LMX1B: variants seen among roughly 807,000 people sequenced by gnomAD.
LMX1B encodes LIM homeobox transcription factor 1-beta.
In LMX1B, 12 loss-of-function variants were observed where a neutral mutation model predicts 51.4. That is an observed-to-expected ratio of 0.23 (90% CI 0.15 to 0.38). The LOEUF is 0.38. LMX1B is among the 10% of genes least tolerant of loss of function. LMX1B has a pLI of 1.00. For missense variants in LMX1B, 445 were observed against 571.1 expected (o/e 0.78, Z 2.25); for synonymous variants, 237 against 235.4 (o/e 1.01, Z -0.06).
At chr9:126,646,258 G>T (rs1245346886) in intron 2 of LMX1B, among the ~76,000 whole-genome samples, 2 of 152,084 alleles carry the variant, frequency 1.3e-5, no homozygotes, top group Admixed American at 6.5e-5. Flanking sequence ...AGGAAGGTGT[G>T]CCTGATCCCT....
rs908357221 is a variant in LMX1B at position 126,695,167 on chromosome 9, C to T, written c.887-672C>T. On this transcript the variant is annotated intron_variant, in intron 6 of 7. Coordinates refer to ENST00000373474, the MANE Select transcript of LMX1B (RefSeq NM_001174147.2). This position sits in a 1 kb window ranked among gnomAD's most constrained non-coding sequence, Gnocchi z 5.2. The stretch of plus-strand genomic sequence containing the variant: ...ACCCTTCCTCTGGCTTCCTCACCCA[C>T]TGGCCCCAGCCTCGGTCTCCTCCTC... Among the ~76,000 whole-genome samples, 19 of 152,216 alleles carry T rather than the reference C, an allele frequency of 1.2e-4. No homozygotes were observed. Among genetic ancestry groups the T allele is most frequent in the African/African-American group, 4.6e-4 (19 of 41,452 alleles).
chr9:126,683,862 C>T (rs904324569), intron 2 of LMX1B, among the ~76,000 whole-genome samples: 1 of 152,212 alleles, frequency 6.6e-6, no homozygotes, highest in African/African-American at 2.4e-5. Flanking sequence ...TAAATCCATT[C>T]CTTCTGCTCC....
chr9:126,696,550 T>TACAG lies in LMX1B; in HGVS notation c.*104_*107dup. The stretch of plus-strand genomic sequence containing the variant: ...CCCCCGCCCTGCTCTCCGCACAGAC[T>TACAG]ACAGACAGCCATACGGTGCCCTCCC... On this transcript the variant is annotated 3_prime_UTR_variant, in exon 8 of 8. Transcript: ENST00000373474. 1 of 1,427,542 alleles carries TACAG rather than the reference T, an allele frequency of 7.0e-7. No individual in the cohort carries two copies. The highest frequency in any genetic ancestry group is 1.2e-5 in the South Asian group (1 of 85,964). 88.4% of individuals were successfully genotyped at this position (1,427,542 alleles called of 1,614,324 possible).
intron 2 of LMX1B, among the ~76,000 whole-genome samples, chr9:126,651,025 T>A (rs947031320): frequency 6.6e-6 from 1 of 152,140 alleles, no homozygotes; most frequent in African/African-American, 2.4e-5. Flanking sequence ...AAGGCCCAGA[T>A]GAGGCGGTGA....
chr9:126,663,418 T>C (rs1437685957), intron 2 of LMX1B, among the ~76,000 whole-genome samples: 2 of 138,778 alleles, frequency 1.4e-5, no homozygotes, highest in Admixed American at 7.1e-5. Context: ...GGCAAGACTC[T>C]TTCTCAAAAA....
chr9:126,695,763 C>A lies in LMX1B; in HGVS notation c.887-76C>A. The A allele has an allele frequency of 6.4e-7, 1 of 1,557,774 alleles. No homozygotes were observed. Among genetic ancestry groups the A allele is most frequent in the South Asian group, 1.2e-5 (1 of 86,354 alleles). Reference sequence around the variant, plus strand: ...GGTGCCTGGGGAGTCCCAAGGAGATCAGAAGGGGAGGCTGCTGGGGTGTAG... The same window carrying A: ...GGTGCCTGGGGAGTCCCAAGGAGATAAGAAGGGGAGGCTGCTGGGGTGTAG... On this transcript the variant is annotated intron_variant, in intron 6 of 7. Transcript: ENST00000373474. This position sits in a 1 kb window ranked among gnomAD's most constrained non-coding sequence, Gnocchi z 5.2.
intron 2 of LMX1B, among the ~76,000 whole-genome samples, chr9:126,619,917 C>T (rs562504095): frequency 1.3e-5 from 2 of 152,286 alleles, no homozygotes; most frequent in African/African-American, 4.8e-5. Flanking sequence ...TAGAGACCCA[C>T]GGCCGTGGCA....
intron 2 of LMX1B, among the ~76,000 whole-genome samples, chr9:126,689,368 C>T (rs2030028042): frequency 6.6e-6 from 1 of 152,156 alleles, no homozygotes. Context: ...GTTCCAGAAC[C>T]GATTAGTAGA....
chr9:126,668,160 T>C (rs1407292726), intron 2 of LMX1B, among the ~76,000 whole-genome samples: 3 of 152,022 alleles, frequency 2.0e-5, no homozygotes, highest in Non-Finnish European at 4.4e-5. Context: ...TGTTTGGGGC[T>C]CAGGGACAGA....
At chr9:126,687,431 T>G (rs201321410) in intron 2 of LMX1B, among the ~76,000 whole-genome samples, 1 of 152,130 alleles carries the variant, frequency 6.6e-6, no homozygotes, top group Admixed American at 6.5e-5. Context: ...GGTTTCACCA[T>G]GTTGGCCAGG....
chr9:126,644,106 A>G (rs1022675185), intron 2 of LMX1B, among the ~76,000 whole-genome samples: 3 of 152,156 alleles, frequency 2.0e-5, no homozygotes, highest in Non-Finnish European at 2.9e-5. Context: ...GGTGGGAGTC[A>G]TCTCACCCTG....
intron 2 of LMX1B, among the ~76,000 whole-genome samples, chr9:126,674,206 G>C (rs1309318869): frequency 6.6e-6 from 1 of 152,162 alleles, no homozygotes; most frequent in Admixed American, 6.5e-5. Flanking sequence ...GGAGAAGGGG[G>C]TCTTCCCCAG....
At chr9:126,687,250 A>T (rs1474510264) in intron 2 of LMX1B, among the ~76,000 whole-genome samples, 1 of 150,092 alleles carries the variant, frequency 6.7e-6, no homozygotes, top group Non-Finnish European at 1.5e-5. Flanking sequence ...ATTTTTTGAG[A>T]CGGAGTCTCT....
intron 2 of LMX1B, among the ~76,000 whole-genome samples, chr9:126,666,883 C>T (rs1371706080): frequency 1.3e-5 from 2 of 152,138 alleles, no homozygotes; most frequent in Non-Finnish European, 2.9e-5. Flanking sequence ...GCGAAGGGTT[C>T]GAGGTTTCTT....
intron 2 of LMX1B, among the ~76,000 whole-genome samples, chr9:126,685,284 G>C (rs374347440): frequency 1.3e-5 from 2 of 152,166 alleles, no homozygotes; most frequent in South Asian, 4.1e-4. Context: ...GACTTGCTAT[G>C]TTCAGGGAGT....
chr9:126,665,757 A>AC (rs1367203865), intron 2 of LMX1B, among the ~76,000 whole-genome samples: 2 of 151,374 alleles, frequency 1.3e-5, no homozygotes, highest in South Asian at 2.1e-4. Context: ...CCCCCTACCA[A>AC]CCCCCCGGGT....
chr9:126,638,534 C>CA (rs1379894964), intron 2 of LMX1B, among the ~76,000 whole-genome samples: 1 of 152,218 alleles, frequency 6.6e-6, no homozygotes, highest in Non-Finnish European at 1.5e-5. Flanking sequence ...AGCAAAATCG[C>CA]AGAGATTTGT....
At position 126,693,223 on chromosome 9, in the gene LMX1B, A is replaced by G; in HGVS notation, c.641A>G (p.Lys214Arg). 1.9e-6 allele frequency: 3 copies of G among 1,610,766 alleles called. No individual in the cohort carries two copies. Among genetic ancestry groups the G allele is most frequent in the Non-Finnish European group, 1.7e-6 (2 of 1,178,938 alleles). Residue 214 changes from lysine (K) to arginine (R), a missense_variant, in exon 4 of 8, where the codon AAG (lysine) becomes AGG (arginine). Physicochemically the swap from Lys to Arg is conservative, Grantham distance 26 (BLOSUM62 2). Transcript: ENST00000373474. The stretch of plus-strand genomic sequence containing the variant: ...AGCAAGGGCAGCGGGGATGACGGGA[A>G]GGACCCGCGGAGGCCCAAGCGACCC... ...SQSKGSGDDGKDPRRPKRPRT... is the reference protein window; with the variant it reads ...SQSKGSGDDGRDPRRPKRPRT...
At chr9:126,696,105 C>G in intron 7 of LMX1B, 102 bp downstream of exon 7, 1 of 1,252,008 alleles carries the variant, frequency 8.0e-7, no homozygotes, top group Non-Finnish European at 1.1e-6. Context: ...CCCTAGGGCT[C>G]AGGCAGCATG....
Sources: gnomAD v4.1 joint callset for allele counts (sites outside exome capture counted in the v4.1 genomes callset) on GRCh38, gnomAD v4.1.1 for gene constraint, Gnocchi (gnomAD v3.1) non-coding constraint, MANE v1.5 for transcripts, NCBI Gene and HGNC (gene_info 2026-07-23, HGNC 2026-07-21) for gene names.